Variants in ITK observed in about 807,000 individuals in gnomAD.
ITK encodes IL2 inducible T cell kinase, also known as tyrosine-protein kinase ITK/TSK.
A neutral mutation model predicts 87.6 loss-of-function variants in ITK; 45 were observed. The ratio of observed to expected loss-of-function variants is 0.51; its 90% confidence interval spans 0.40 to 0.66. ITK has a LOEUF of 0.66. ITK is among the 30% of genes least tolerant of loss of function. The probability of loss-of-function intolerance (pLI) is 0.00; values close to 1 mark genes in which losing one functional copy is unlikely to be tolerated. For missense variants in ITK, 605 were observed against 766.3 expected, an observed-to-expected ratio of 0.79 and a Z score of 2.48; for synonymous variants, 303 against 273.6, an observed-to-expected ratio of 1.11 and a Z score of -1.06.
At chr5:157,240,009 T>G in intron 9 of ITK, 53 bp from the exon 10 acceptor site, 2 of 1,572,546 alleles carry the variant, frequency 1.3e-6, no homozygotes, top group East Asian at 2.2e-5. Flanking sequence ...GACTTTTTTG[T>G]GTCTCAACAT....
intron 6 of ITK, among the ~76,000 whole-genome samples, chr5:157,223,416 T>TACA (rs1253037019): frequency 1.4e-3 from 209 of 152,292 alleles, no homozygotes; most frequent in African/African-American, 4.9e-3. Context: ...AAAGAAAATG[T>TACA]GTGTATAGAG....
At chr5:157,217,812 T>C in intron 4 of ITK, 55 bp from the exon 5 acceptor site, 8 of 1,523,864 alleles carry the variant, frequency 5.2e-6, no homozygotes, top group Non-Finnish European at 7.3e-6. Context: ...TCACTTCCGG[T>C]TGGGTCCATT....
chr5:157,221,651 C>T (rs1432259786), intron 5 of ITK, among the ~76,000 whole-genome samples: 3 of 152,168 alleles, frequency 2.0e-5, no homozygotes, highest in Non-Finnish European at 4.4e-5. Flanking sequence ...TTTGAGGGCC[C>T]TGCTCTGACC....
At chr5:157,210,184 A>G (rs1317753379) in intron 2 of ITK, among the ~76,000 whole-genome samples, 1 of 152,166 alleles carries the variant, frequency 6.6e-6, no homozygotes, top group Non-Finnish European at 1.5e-5. Context: ...TCGGCCTCCC[A>G]AAGTTCTACT....
At chr5:157,251,736 T>C (rs1216056493) in intron 16 of ITK, among the ~76,000 whole-genome samples, 5 of 152,248 alleles carry the variant, frequency 3.3e-5, no homozygotes, top group East Asian at 1.9e-4. Flanking sequence ...TGTCCAATTA[T>C]TACAGCCCTG....
chr5:157,181,829 T>C (rs1279740597), intron 1 of ITK, among the ~76,000 whole-genome samples: 4 of 152,226 alleles, frequency 2.6e-5, no homozygotes, highest in Admixed American at 1.3e-4. Flanking sequence ...TCTATCTCTT[T>C]ATCTAAAAAT....
intron 2 of ITK, 49 bp downstream of exon 2, chr5:157,209,042 A>G: frequency 7.9e-7 from 1 of 1,268,282 alleles, no homozygotes; most frequent in Non-Finnish European, 1.2e-6. Flanking sequence ...TGTGGTTAAA[A>G]TCTTCAGTCA....
rs141147698 is a variant in ITK, at chr5:157,240,068, C to T, written c.858C>T (p.Asn286=). Residue 286 remains asparagine (N), a synonymous_variant, in exon 10 of 17, where the codon AAC becomes AAT. Coordinates refer to ENST00000422843, the MANE Select transcript of ITK (RefSeq NM_005546.4). ...SVFTKAVVSE[N]NPCIKHYHIK... ...TGTGTTTCATTTGTTTAAGTGAGAA[C>T]AATCCCTGTATAAAGCATTATCACA... 2 of 1,611,694 alleles carry T rather than the reference C, an allele frequency of 1.2e-6. No homozygotes were observed. Among genetic ancestry groups the T allele is most frequent in the South Asian group, 2.2e-5 (2 of 91,028 alleles).
chr5:157,245,840 C>A, intron 14 of ITK, 41 bp from the exon 15 acceptor site: 1 of 1,608,554 alleles, frequency 6.2e-7, no homozygotes, highest in African/African-American at 1.3e-5. Context: ...GGACTGAGGC[C>A]CCCGGAACAT....
At chr5:157,246,557 G>A (rs987797986) in intron 15 of ITK, among the ~76,000 whole-genome samples, 1 of 152,048 alleles carries the variant, frequency 6.6e-6, no homozygotes, top group Admixed American at 6.6e-5. Context: ...TAATAAACAA[G>A]CTAAGGGATA....
At chr5:157,225,061 C>T (rs996487397) in intron 6 of ITK, among the ~76,000 whole-genome samples, 34 of 152,080 alleles carry the variant, frequency 2.2e-4, no homozygotes, top group African/African-American at 6.3e-4. Context: ...GTGGCACTCT[C>T]ACAGTTCACT....
At chr5:157,241,301 C>T (rs1754891527) in intron 10 of ITK, 1 of 174,618 alleles carries the variant, frequency 5.7e-6, no homozygotes, top group Non-Finnish European at 1.2e-5. Context: ...AGCACCCACA[C>T]AGGAGACTTA....
chr5:157,211,147 A>T, intron 2 of ITK, 140 bp from the exon 3 acceptor site: 1 of 726,822 alleles, frequency 1.4e-6, no homozygotes, highest in East Asian at 2.6e-5. Flanking sequence ...GATAAAAAGG[A>T]TACTGGCCCC....
intron 1 of ITK, among the ~76,000 whole-genome samples, chr5:157,207,239 C>G (rs1234991516): frequency 6.6e-6 from 1 of 151,994 alleles, no homozygotes; most frequent in Non-Finnish European, 1.5e-5. Flanking sequence ...GGGTCCCTGG[C>G]TGATTCAATG....
intron 1 of ITK, among the ~76,000 whole-genome samples, chr5:157,182,411 TC>T (rs1753552775): frequency 6.6e-6 from 1 of 152,196 alleles, no homozygotes; most frequent in Admixed American, 6.6e-5. Context: ...GTGTTGCATG[TC>T]TTTTGTGAAT....
intron 1 of ITK, among the ~76,000 whole-genome samples, chr5:157,205,270 C>A (rs969158246): frequency 6.6e-6 from 1 of 152,160 alleles, no homozygotes; most frequent in Non-Finnish European, 1.5e-5. Flanking sequence ...AGTCACAGAG[C>A]TCTTATAGTA....
intron 3 of ITK, 167 bp downstream of exon 3, chr5:157,211,535 G>A (rs545587890): frequency 2.8e-4 from 184 of 661,008 alleles, no homozygotes; most frequent in African/African-American, 2.5e-3. Flanking sequence ...AGCAATAACT[G>A]GTATCATTCA....
At chr5:157,239,861 G>C (rs1404620051) in intron 9 of ITK, among the ~76,000 whole-genome samples, 4 of 152,152 alleles carry the variant, frequency 2.6e-5, no homozygotes, top group Admixed American at 2.0e-4. Flanking sequence ...ACTGGGTCCA[G>C]ACACAACCTC....
chr5:157,209,504 A>G (rs1256914479), intron 2 of ITK, among the ~76,000 whole-genome samples: 1 of 152,144 alleles, frequency 6.6e-6, no homozygotes, highest in African/African-American at 2.4e-5. Flanking sequence ...AATTAAGCAC[A>G]AAATCTTGAA....
Sources: allele counts gnomAD v4.1 joint callset (sites outside exome capture counted in the v4.1 genomes callset), GRCh38; gene constraint gnomAD v4.1.1; transcripts MANE v1.5; gene names NCBI Gene and HGNC (gene_info 2026-07-23, HGNC 2026-07-21).